Variants in KCNIP4 observed in about 807,000 individuals in gnomAD.
KCNIP4 encodes the protein potassium voltage-gated channel interacting protein 4.
KCNIP4 carries 12 observed loss-of-function variants against 34.0 expected under a neutral mutation model. The ratio of observed to expected loss-of-function variants is 0.35; its 90% CI spans 0.23 to 0.57. The LOEUF (loss-of-function observed/expected upper bound fraction) is 0.57, where lower values mean the gene tolerates loss of function less well. Among genes scored for constraint, KCNIP4 ranks in the 20% least tolerant of loss-of-function variants. The pLI is 0.83. For synonymous variants in KCNIP4, 124 were observed against 102.2 expected, an observed-to-expected ratio of 1.21 and a Z score of -1.29; for missense variants, 238 against 311.7, an observed-to-expected ratio of 0.76 and a Z score of 1.78.
intron 1 of KCNIP4, among the ~76,000 whole-genome samples, chr4:21,670,669 C>T (rs12645508): frequency 0.34 from 50,970 of 151,884 alleles, 10,182 homozygotes; most frequent in East Asian, 0.9. Flanking sequence ...TAAACCTTTT[C>T]TTTTGAGATG....
chr4:21,631,144 C>A (rs896131374), intron 1 of KCNIP4, among the ~76,000 whole-genome samples: 4 of 151,860 alleles, frequency 2.6e-5, no homozygotes, highest in African/African-American at 9.7e-5. Context: ...ATGTTTATTT[C>A]TCCTATCAAC....
intron 1 of KCNIP4, among the ~76,000 whole-genome samples, chr4:21,566,916 A>G (rs1739940482): frequency 6.6e-6 from 1 of 152,144 alleles, no homozygotes; most frequent in Non-Finnish European, 1.5e-5. Context: ...GCAAAAGGTA[A>G]CACATCAAAA....
At chr4:20,908,744 T>C (rs1297124770) in intron 1 of KCNIP4, among the ~76,000 whole-genome samples, 1 of 152,194 alleles carries the variant, frequency 6.6e-6, no homozygotes, top group Non-Finnish European at 1.5e-5. Context: ...TAGAACTCGA[T>C]ATAGAGTTGC....
Position 21,016,128 on chromosome 4 carries a change from G to C in KCNIP4, c.62-133419C>G, listed in dbSNP as rs367964618. 1.9e-3 allele frequency among the ~76,000 whole-genome samples: 288 copies of C among 150,398 alleles called. 6 individuals carry two copies. The South Asian group carries it at 0.054, about 28-fold the overall frequency. ...TCACCTATGTAATCTTCATTTGCAC[G>C]ATACACCCTGTCCATATGAATTGAC... On this transcript the variant is annotated intron_variant, in intron 1 of 8. Transcript: ENST00000382152.
chr4:21,101,812 A>G (rs1343925889), intron 1 of KCNIP4, among the ~76,000 whole-genome samples: 1 of 152,224 alleles, frequency 6.6e-6, no homozygotes, highest in African/African-American at 2.4e-5. Context: ...CCTATTATCT[A>G]TAGACAACAC....
At chr4:20,948,033 G>A (rs62296170) in intron 1 of KCNIP4, among the ~76,000 whole-genome samples, 1 of 152,216 alleles carries the variant, frequency 6.6e-6, no homozygotes, top group Non-Finnish European at 1.5e-5. Flanking sequence ...GCCATGGAAA[G>A]CCAACGAGGG....
At chr4:20,732,231 A>ATGAT (rs943639097) in intron 7 of KCNIP4, among the ~76,000 whole-genome samples, 163 bp from the exon 8 acceptor site, 9 of 152,232 alleles carry the variant, frequency 5.9e-5, no homozygotes, top group African/African-American at 1.4e-4. Context: ...AGAGATAAAA[A>ATGAT]TGATAGGGCC....
At chr4:21,020,412 A>G (rs894279183) in intron 1 of KCNIP4, among the ~76,000 whole-genome samples, 1 of 152,192 alleles carries the variant, frequency 6.6e-6, no homozygotes, top group Non-Finnish European at 1.5e-5. Flanking sequence ...TGTGCCAAGC[A>G]TCTTTAGCGA....
intron 1 of KCNIP4, among the ~76,000 whole-genome samples, chr4:21,688,855 C>T (rs776762305): frequency 1.2e-4 from 18 of 151,894 alleles, no homozygotes; most frequent in Non-Finnish European, 1.8e-4. Context: ...CTTGGCTCCC[C>T]TCTCATAAGC....
chr4:21,245,065 G>T (rs1358361894), intron 1 of KCNIP4, among the ~76,000 whole-genome samples: 3 of 152,186 alleles, frequency 2.0e-5, no homozygotes, highest in African/African-American at 7.2e-5. Flanking sequence ...GGGTTTTAGT[G>T]TGATGAAGAT....
intron 1 of KCNIP4, among the ~76,000 whole-genome samples, chr4:21,593,005 T>C (rs961394400): frequency 6.6e-6 from 1 of 152,066 alleles, no homozygotes. Flanking sequence ...ATATTACAAT[T>C]TGCCAAGAGT....
chr4:21,439,239 A>C (rs1308289118), intron 1 of KCNIP4, among the ~76,000 whole-genome samples: 1 of 151,676 alleles, frequency 6.6e-6, no homozygotes, highest in Non-Finnish European at 1.5e-5. Flanking sequence ...GCACCTGCCT[A>C]TGTCTCTCCT....
intron 1 of KCNIP4, among the ~76,000 whole-genome samples, chr4:21,147,939 C>CAAAAAAAAAAAA (rs377562727): frequency 0.012 from 358 of 30,924 alleles, 19 homozygotes; most frequent in Non-Finnish European, 0.018. Flanking sequence ...AACTCCGTCT[C>CAAAAAAAAAAAA]AAAAAAAAAA....
intron 1 of KCNIP4, among the ~76,000 whole-genome samples, chr4:21,187,493 TA>T (rs1299873269): frequency 6.6e-6 from 1 of 152,226 alleles, no homozygotes. Flanking sequence ...CCTAATTCGT[TA>T]AAATTCATTT....
intron 2 of KCNIP4, among the ~76,000 whole-genome samples, chr4:20,875,146 C>T (rs948762162): frequency 6.6e-6 from 1 of 151,588 alleles, no homozygotes; most frequent in African/African-American, 2.4e-5. Context: ...TCTTCCTGCA[C>T]AATATGTGCT....
At chr4:21,528,784 A>G (rs367673255) in intron 1 of KCNIP4, among the ~76,000 whole-genome samples, 202 of 16,598 alleles carry the variant, frequency 0.012, 27 homozygotes, top group East Asian at 0.027. Context: ...AGAAAGGAAG[A>G]AAGGAAGAAA....
At chr4:21,833,527 C>A (rs1035133939) in intron 1 of KCNIP4, among the ~76,000 whole-genome samples, 2 of 152,000 alleles carry the variant, frequency 1.3e-5, no homozygotes, top group Non-Finnish European at 2.9e-5. Context: ...AAAATTTTCT[C>A]CCATTTTGTA....
At chr4:21,435,604 T>C (rs1272713824) in intron 1 of KCNIP4, among the ~76,000 whole-genome samples, 4 of 152,196 alleles carry the variant, frequency 2.6e-5, no homozygotes, top group Admixed American at 2.6e-4. Flanking sequence ...ATTCTTGGTG[T>C]CTGAATGAAT....
At chr4:21,543,953 C>T (rs1025793795) in intron 1 of KCNIP4, among the ~76,000 whole-genome samples, 1 of 152,060 alleles carries the variant, frequency 6.6e-6, no homozygotes, top group African/African-American at 2.4e-5. Context: ...GAAAACGAAC[C>T]ATAATTTATT....
Sources: gnomAD v4.1 joint callset for allele counts (sites outside exome capture counted in the v4.1 genomes callset) on GRCh38, gnomAD v4.1.1 for gene constraint, MANE v1.5 for transcripts, NCBI Gene and HGNC (gene_info 2026-07-23, HGNC 2026-07-21) for gene names.